Variants in RAB6B observed in about 807,000 individuals in gnomAD.
The protein encoded by RAB6B is RAB6B, member RAS oncogene family, also known as ras-related protein Rab-6B.
Under a neutral mutation model 31.2 loss-of-function variants are expected in RAB6B, and 7 were observed. The observed-to-expected ratio is 0.22, with a 90% CI of 0.13 to 0.42. RAB6B has a LOEUF of 0.42. Ranked by LOEUF, RAB6B falls within the 10% of genes least tolerant of loss-of-function variation. The pLI, the probability that RAB6B is intolerant of heterozygous loss-of-function variation, is 1.00. For missense variants in RAB6B, 149 were observed against 280.6 expected, an observed-to-expected ratio of 0.53 and a Z score of 3.35; for synonymous variants, 105 against 104.9, an observed-to-expected ratio of 1.00 and a Z score of -0.01.
chr3:133,893,545 C>T (rs2108019049), intron 1 of RAB6B, among the ~76,000 whole-genome samples: 1 of 152,328 alleles, frequency 6.6e-6, no homozygotes, highest in East Asian at 1.9e-4. Context: ...ACCAGAGACA[C>T]TTTCTTCACC....
At chr3:133,881,629 G>T (rs1936467826) in intron 1 of RAB6B, among the ~76,000 whole-genome samples, 1 of 152,208 alleles carries the variant, frequency 6.6e-6, no homozygotes, top group East Asian at 1.9e-4. Context: ...GTCTAGCCCT[G>T]CATGCCACAG....
rs908514424 is a variant in RAB6B at position 133,825,534 on chromosome 3, C to T, written c.*3254G>A. On this transcript the variant is annotated 3_prime_UTR_variant, in exon 8 of 8. Transcript: ENST00000285208. ...CTGCTGCCAACAGCTACCAAGCCAA[C>T]TAGCCTTGGATCACACAACTGCAGC... 2 of 152,286 alleles carry T rather than the reference C, an allele frequency of 1.3e-5. No homozygotes were observed. The highest frequency in any genetic ancestry group is 2.9e-5 in the Non-Finnish European group (2 of 68,064). The allele number at this position is 152,286 out of a possible 1,614,324, so 9.4% of individuals were successfully genotyped here. A position where few individuals can be genotyped will look rare whatever the true frequency, so the allele number is the denominator to read the frequency against.
intron 2 of RAB6B, among the ~76,000 whole-genome samples, chr3:133,858,698 C>A (rs570979318): frequency 6.6e-6 from 1 of 152,198 alleles, no homozygotes; most frequent in African/African-American, 2.4e-5. Context: ...GGGACCAGAA[C>A]TTCGATGCAG....
intron 2 of RAB6B, among the ~76,000 whole-genome samples, chr3:133,850,070 A>G (rs72976363): frequency 0.012 from 1,785 of 152,290 alleles, 27 homozygotes; most frequent in African/African-American, 0.041. Context: ...AATTCTCCAT[A>G]TAAATGTTAC....
chr3:133,835,313 G>A (rs1029865793), intron 6 of RAB6B, among the ~76,000 whole-genome samples: 2 of 152,128 alleles, frequency 1.3e-5, no homozygotes, highest in African/African-American at 2.4e-5. Flanking sequence ...GTGCGTGTGG[G>A]TAGGTGCATG....
intron 1 of RAB6B, 28 bp from the exon 2 acceptor site, chr3:133,864,670 C>G (rs758668475): frequency 2.5e-6 from 4 of 1,599,406 alleles, no homozygotes; most frequent in Non-Finnish European, 3.4e-6. Context: ...GAGAGGTGTT[C>G]AGTCATGGCA....
intron 1 of RAB6B, among the ~76,000 whole-genome samples, chr3:133,881,194 G>A (rs1051267643): frequency 2.0e-5 from 3 of 152,322 alleles, no homozygotes; most frequent in East Asian, 3.9e-4. Flanking sequence ...CCCATGCTGC[G>A]AGCTCTGGGT....
At chr3:133,837,638 G>A (rs978159216) in intron 6 of RAB6B, among the ~76,000 whole-genome samples, 11 of 152,148 alleles carry the variant, frequency 7.2e-5, no homozygotes, top group African/African-American at 2.7e-4. Flanking sequence ...GACTACTCAG[G>A]GGCCCTCATG....
chr3:133,891,230 C>G (rs1353397046), intron 1 of RAB6B, among the ~76,000 whole-genome samples: 4 of 152,168 alleles, frequency 2.6e-5, no homozygotes, highest in African/African-American at 9.7e-5. Flanking sequence ...GAGGAATGGG[C>G]TGAAAGTACA....
chr3:133,841,005 T>A (rs1372091670), intron 4 of RAB6B, among the ~76,000 whole-genome samples: 1 of 152,034 alleles, frequency 6.6e-6, no homozygotes, highest in Non-Finnish European at 1.5e-5. Context: ...CTTGTGAGCA[T>A]CTGCTCACAC....
intron 2 of RAB6B, among the ~76,000 whole-genome samples, chr3:133,862,629 C>A: frequency 6.6e-6 from 1 of 152,142 alleles, no homozygotes; most frequent in East Asian, 1.9e-4. Context: ...CAGTGTCACT[C>A]CAAGGGCAGT....
chr3:133,881,787 G>T (rs1936469905), intron 1 of RAB6B, among the ~76,000 whole-genome samples: 1 of 152,200 alleles, frequency 6.6e-6, no homozygotes, highest in Non-Finnish European at 1.5e-5. Flanking sequence ...TAACCTGACA[G>T]GTCTCAGCTC....
chr3:133,838,756 C>A (rs1935778872), intron 5 of RAB6B, among the ~76,000 whole-genome samples: 2 of 152,186 alleles, frequency 1.3e-5, no homozygotes, highest in African/African-American at 2.4e-5. Context: ...ACCCTTTGTA[C>A]TGGGATTTGA....
At chr3:133,894,054 CAA>C (rs1936672577) in intron 1 of RAB6B, among the ~76,000 whole-genome samples, 1 of 152,228 alleles carries the variant, frequency 6.6e-6, no homozygotes, top group African/African-American at 2.4e-5. Context: ...TATCAGCAGA[CAA>C]GAGCCAGCCA....
chr3:133,879,613 C>A (rs972306016), intron 1 of RAB6B, among the ~76,000 whole-genome samples: 1 of 152,182 alleles, frequency 6.6e-6, no homozygotes, highest in Non-Finnish European at 1.5e-5. Flanking sequence ...CTCTTTAGTT[C>A]CCCAGTGTCT....
At chr3:133,831,966 C>G (rs914899828) in intron 7 of RAB6B, among the ~76,000 whole-genome samples, 2 of 152,166 alleles carry the variant, frequency 1.3e-5, no homozygotes, top group Non-Finnish European at 2.9e-5. Context: ...CACCACAGCC[C>G]CATCAGAGAG....
intron 1 of RAB6B, among the ~76,000 whole-genome samples, chr3:133,892,539 C>T (rs1256251354): frequency 1.3e-5 from 2 of 152,206 alleles, no homozygotes; most frequent in African/African-American, 4.8e-5. Context: ...CGCCACTCTT[C>T]TTGGGAATCC....
chr3:133,881,980 C>T (rs1020309067), intron 1 of RAB6B, among the ~76,000 whole-genome samples: 1 of 152,232 alleles, frequency 6.6e-6, no homozygotes, highest in East Asian at 1.9e-4. Flanking sequence ...GGAGTCTGGA[C>T]ATGACTTCAC....
rs111633306 is a variant in RAB6B at position 133,858,655 on chromosome 3, T to C, written c.129+5929A>G. Reference sequence around the variant, plus strand: ...TCTCATTTTACTTCTGTAGAGACCCTATCTTTATCTACAGTCCCATGCTGC... The same window carrying C: ...TCTCATTTTACTTCTGTAGAGACCCCATCTTTATCTACAGTCCCATGCTGC... On this transcript the variant is annotated intron_variant, in intron 2 of 7. Coordinates refer to ENST00000285208, the MANE Select transcript of RAB6B (RefSeq NM_016577.4). Among the ~76,000 whole-genome samples the C allele has an allele frequency of 9.0e-3, 1,365 of 152,328 alleles. 14 individuals carry two copies. The highest frequency in any genetic ancestry group is 0.032 in the African/African-American group (1,321 of 41,576).
Sources: gnomAD v4.1 joint callset for allele counts (sites outside exome capture counted in the v4.1 genomes callset) on GRCh38, gnomAD v4.1.1 for gene constraint, MANE v1.5 for transcripts, NCBI Gene and HGNC (gene_info 2026-07-23, HGNC 2026-07-21) for gene names.